The following PPRC1 variants were observed in gnomAD, a reference collection of about 807,000 sequenced individuals.
PPRC1 encodes the protein peroxisome proliferator-activated receptor gamma coactivator-related protein 1.
A neutral mutation model predicts 132.5 loss-of-function variants in PPRC1; 23 were observed. The observed-to-expected ratio is 0.17, with a 90% CI of 0.12 to 0.25. The LOEUF (loss-of-function observed/expected upper bound fraction) is 0.25, where lower values mean the gene tolerates loss of function less well. PPRC1 is among the 10% of genes least tolerant of loss of function. The pLI, the probability that PPRC1 is intolerant of heterozygous loss-of-function variation, is 1.00. For synonymous variants in PPRC1, 872 were observed against 833.5 expected, an observed-to-expected ratio of 1.05 and a Z score of -0.80; for missense variants, 2,006 against 2,089.1, an observed-to-expected ratio of 0.96 and a Z score of 0.78.
chr10:102,121,932 C>T, the PPRC1 span, among the ~76,000 whole-genome samples: 2 of 152,060 alleles, frequency 1.3e-5, no homozygotes, highest in Non-Finnish European at 2.9e-5. Context: ...TTCTCTCCAC[C>T]TTAGGTTTTT....
the PPRC1 span, among the ~76,000 whole-genome samples, chr10:102,127,805 G>A: frequency 6.6e-6 from 1 of 152,026 alleles, no homozygotes; most frequent in Non-Finnish European, 1.5e-5. Flanking sequence ...GCCCATCTCG[G>A]CCTCCCAAAG....
In PPRC1 at chr10:102,148,297, A is replaced by G. The variant is rs2069350617; in HGVS notation, c.4401-75A>G. On this transcript the variant is annotated intron_variant, in intron 9 of 13. Transcript: ENST00000278070. The surrounding 1 kb of genome is among the most constrained non-coding windows in gnomAD (Gnocchi z 4.2). The stretch of plus-strand genomic sequence containing the variant: ...CTGAGCTTCCTAAAAGAAAGGCAGG[A>G]CTGGGGCCTGGGTGAGATAAGCAGA... 6.6e-7 allele frequency: 1 copy of G among 1,521,768 alleles called. No homozygotes were observed. The highest frequency in any genetic ancestry group is 1.4e-5 in the African/African-American group (1 of 72,994). 94.3% of individuals were successfully genotyped at this position (1,521,768 alleles called of 1,614,324 possible). A position where few individuals can be genotyped will look rare whatever the true frequency, so the allele number is the denominator to read the frequency against.
At position 102,140,270 on chromosome 10, in the gene PPRC1, G is replaced by T; in HGVS notation, c.1762G>T (p.Asp588Tyr). The change falls in exon 5 of 14, where the codon GAC (aspartate) becomes TAC (tyrosine). Residue 588 changes from aspartate (D) to tyrosine (Y), a missense_variant. Asp to Tyr is a radical substitution (Grantham distance 160). Transcript: ENST00000278070. ...DSAQASPMPV[D>Y]SVEADPTAVG... is the part of the protein sequence containing the mutation. Reference sequence around the variant, plus strand: ...TGCCCAAGCCAGCCCCATGCCAGTTGACTCTGTTGAAGCTGATCCCACTGC... The same window carrying T: ...TGCCCAAGCCAGCCCCATGCCAGTTTACTCTGTTGAAGCTGATCCCACTGC... 1 of 1,614,206 alleles carries T rather than the reference G, an allele frequency of 6.2e-7. No individual in the cohort carries two copies. Among genetic ancestry groups the T allele is most frequent in the Non-Finnish European group, 8.5e-7 (1 of 1,180,032 alleles).
rs17847385 is a variant in PPRC1, at chr10:102,140,130, A to C, written c.1622A>C (p.Glu541Ala). 167 of 1,614,190 alleles carry C rather than the reference A, an allele frequency of 1.0e-4. No homozygotes were observed. The East Asian group carries it at 2.8e-3, about 27-fold the overall frequency. Reference protein sequence around the residue: ...ALENSSPKNLERSAGQSSPAK... With the variant: ...ALENSSPKNLARSAGQSSPAK... ...GAGAATTCTAGCCCTAAGAACTTGG[A>C]GAGAAGTGCTGGACAAAGTAGTCCT... The change falls in exon 5 of 14, where the codon GAG becomes GCG. Residue 541 changes from glutamate (E) to alanine (A), a missense_variant. Around this residue, in one of 2 missense-constraint regions of PPRC1, gnomAD observed 1,914 missense variants for 1,917.2 expected, o/e 1.00. Coordinates refer to ENST00000278070, the MANE Select transcript of PPRC1 (RefSeq NM_015062.5).
At chr10:102,123,003 C>T in the PPRC1 span, among the ~76,000 whole-genome samples, 5 of 152,126 alleles carry the variant, frequency 3.3e-5, no homozygotes, top group Non-Finnish European at 5.9e-5. Flanking sequence ...TCTTCTTCAC[C>T]TACTAGTTAA....
intron 1 of PPRC1, among the ~76,000 whole-genome samples, chr10:102,137,113 C>T (rs1051342858): frequency 2.0e-5 from 3 of 152,030 alleles, no homozygotes; most frequent in Non-Finnish European, 4.4e-5. Context: ...CTGAGTCGGG[C>T]GGATTACTTG....
intron 2 of PPRC1, 81 bp downstream of exon 2, chr10:102,138,119 G>C: frequency 7.0e-7 from 1 of 1,424,008 alleles, no homozygotes; most frequent in Non-Finnish European, 9.5e-7. Context: ...GCATGGCTCT[G>C]CTCTCCCAGG....
intron 9 of PPRC1, 119 bp downstream of exon 9, chr10:102,147,511 C>G (rs2069316665): frequency 7.5e-7 from 1 of 1,328,798 alleles, no homozygotes. Flanking sequence ...GCTTCTATTT[C>G]TGACTTTGGC....
chr10:102,131,193 CAAA>C (rs1175316312), upstream of PPRC1, among the ~76,000 whole-genome samples: 6 of 80,680 alleles, frequency 7.4e-5, no homozygotes, highest in Admixed American at 1.4e-4. Context: ...CACTCCATCT[CAAA>C]AAAAAAAAAA....
chr10:102,145,030 A>T lies in PPRC1; in HGVS notation c.3619A>T (p.Ile1207Phe). 6.2e-7 allele frequency: 1 copy of T among 1,606,026 alleles called. No homozygotes were observed. The highest frequency in any genetic ancestry group is 8.5e-7 in the Non-Finnish European group (1 of 1,175,626). Residue 1207 changes from isoleucine (I) to phenylalanine (F), a missense_variant, in exon 8 of 14, where the codon ATT becomes TTT. Physicochemically the swap from Ile to Phe is conservative, Grantham distance 21. Transcript: ENST00000278070. The part of the protein sequence containing the change: ...LAVGNSGGVD[I>F]PQEKRPLDRL... ...TTCCCCCCCCGCCAGCGGCGTTGAC[A>T]TTCCCCAGGAGAAGAGGCCCCTAGA... is the stretch of plus-strand genomic sequence containing the variant.
In PPRC1 at chr10:102,142,260, G is replaced by A. The variant is rs979226204; in HGVS notation, c.3496+256G>A. Among the ~76,000 whole-genome samples, 30 of 150,586 alleles carry A rather than the reference G, an allele frequency of 2.0e-4. 1 individual carries two copies. The South Asian group carries it at 3.0e-3, about 15-fold the overall frequency. On this transcript the variant is annotated intron_variant, in intron 5 of 13. Transcript: ENST00000278070. ...TGGGACTACAGGTGCCCGCCACCAC[G>A]TCTGGCTAATTTTTCTATTTTTAGT...
upstream of PPRC1, among the ~76,000 whole-genome samples, chr10:102,128,328 C>CGGG (rs1396103453): frequency 6.6e-6 from 1 of 151,902 alleles, no homozygotes; most frequent in Non-Finnish European, 1.5e-5. Context: ...TTAGTAGAGA[C>CGGG]GGGGTTTCAC....
At chr10:102,132,905 C>G (rs2068571576), upstream of PPRC1, 1 of 1,058,516 alleles carries the variant, frequency 9.4e-7, no homozygotes, top group African/African-American at 1.6e-5. Context: ...GGAACCTTCG[C>G]GCGAGGCCAG....
chr10:102,135,562 A>G (rs2068693436), intron 1 of PPRC1, among the ~76,000 whole-genome samples: 1 of 152,140 alleles, frequency 6.6e-6, no homozygotes, highest in Admixed American at 6.5e-5. Context: ...TATTTTTAGT[A>G]GAGACAGGGT....
chr10:102,129,207 A>G (rs2068506703), upstream of PPRC1, among the ~76,000 whole-genome samples: 2 of 152,202 alleles, frequency 1.3e-5, no homozygotes, highest in Admixed American at 1.3e-4. Context: ...CTGGGATTAC[A>G]GGTGTGCACC....
chr10:102,147,361 T>C lies in PPRC1; in HGVS notation c.4369T>C (p.Ser1457Pro). The change falls in exon 9 of 14, where the codon TCC (serine) becomes CCC (proline). Residue 1457 changes from serine to proline, a missense_variant. Ser to Pro is a moderately conservative substitution (Grantham distance 74, BLOSUM62 -1). This residue lies in a region of PPRC1 where 1,914 missense variants were observed against 1,917.2 expected (regional missense o/e 1.00). Coordinates refer to ENST00000278070, the MANE Select transcript of PPRC1 (RefSeq NM_015062.5). ...TTCCTCATCCCGATCTCGGTCCAGG[T>C]CCCTCTCCCCCCCACACAAGAGGTG... ...SSSSSRSRSRSLSPPHKRWRR... is the reference protein window; with the variant it reads ...SSSSSRSRSRPLSPPHKRWRR... 1.2e-6 allele frequency: 2 copies of C among 1,608,308 alleles called. No homozygotes were observed. Among genetic ancestry groups the C allele is most frequent in the Non-Finnish European group, 8.5e-7 (1 of 1,179,198 alleles).
Position 102,148,542 on chromosome 10 carries a change from C to T in PPRC1, c.4550+21C>T, listed in dbSNP as rs370200321. The stretch of plus-strand genomic sequence containing the variant: ...CGGCGGTGAGCATGTGTTCAGGGAG[C>T]GCCATGCACCTGGGATGCAGGTGCC... On this transcript the variant is annotated intron_variant, in intron 10 of 13. Transcript: ENST00000278070. The surrounding 1 kb of genome is among the most constrained non-coding windows in gnomAD (Gnocchi z 4.2). 35 of 1,611,902 alleles carry T rather than the reference C, an allele frequency of 2.2e-5. No homozygotes were observed. The highest frequency in any genetic ancestry group is 1.7e-4 in the African/African-American group (13 of 74,976).
rs775225980 is a variant in PPRC1 at position 102,141,920 on chromosome 10, G to C, written c.3412G>C (p.Ala1138Pro). ...TVPKLPAVHPARLRKLSFLPT... is the reference protein window; with the variant it reads ...TVPKLPAVHPPRLRKLSFLPT... ...CCCCAAGCTGCCTGCTGTCCACCCA[G>C]CCCGTCTAAGGAAGCTGTCCTTCCT... is the stretch of plus-strand genomic sequence containing the variant. Residue 1138 changes from alanine (A) to proline (P), a missense_variant, in exon 5 of 14, where the codon GCC becomes CCC. Ala to Pro is a conservative substitution (Grantham distance 27). Around this residue, in one of 2 missense-constraint regions of PPRC1, gnomAD observed 1,914 missense variants for 1,917.2 expected, o/e 1.00. Transcript: ENST00000278070. 2 of 1,614,116 alleles carry C rather than the reference G, an allele frequency of 1.2e-6. No homozygotes were observed. Among genetic ancestry groups the C allele is most frequent in the Non-Finnish European group, 8.5e-7 (1 of 1,180,016 alleles).
chr10:102,120,416 CCCGCCG>C, the PPRC1 span: 4 of 983,016 alleles, frequency 4.1e-6, no homozygotes, highest in South Asian at 1.4e-4. Flanking sequence ...TCTGTGCGCT[CCCGCCG>C]CCGTCGCCGA....
Sources: gnomAD v4.1 joint callset for allele counts (sites outside exome capture counted in the v4.1 genomes callset) on GRCh38, gnomAD v4.1.1 for gene constraint, gnomAD v4.1.1 regional missense constraint, Gnocchi (gnomAD v3.1) non-coding constraint, MANE v1.5 for transcripts, NCBI Gene and HGNC (gene_info 2026-07-23, HGNC 2026-07-21) for gene names.